SLC39A10: variants seen among roughly 807,000 people sequenced by gnomAD.
SLC39A10 encodes solute carrier family 39 member 10, also known as zinc transporter ZIP10.
Under a neutral mutation model 65.1 loss-of-function variants are expected in SLC39A10, and 13 were observed. The ratio of observed to expected loss-of-function variants is 0.20; its 90% confidence interval spans 0.13 to 0.32. The LOEUF is 0.32. Ranked by LOEUF, SLC39A10 falls within the 10% of genes least tolerant of loss-of-function variation. The pLI, the probability that SLC39A10 is intolerant of heterozygous loss-of-function variation, is 1.00. For missense variants in SLC39A10, 831 were observed against 1,018.4 expected, an observed-to-expected ratio of 0.82 and a Z score of 2.50; for synonymous variants, 321 against 342.2, an observed-to-expected ratio of 0.94 and a Z score of 0.68.
intron 3 of SLC39A10, among the ~76,000 whole-genome samples, chr2:195,703,092 C>G (rs1691254292): frequency 6.6e-6 from 1 of 152,076 alleles, no homozygotes; most frequent in African/African-American, 2.4e-5. Flanking sequence ...TCAGCATTAC[C>G]AAAACTTACT....
At chr2:195,726,761 C>T (rs1692254294) in intron 8 of SLC39A10, among the ~76,000 whole-genome samples, 2 of 152,162 alleles carry the variant, frequency 1.3e-5, no homozygotes, top group South Asian at 4.1e-4. Flanking sequence ...GACTATGAAC[C>T]TTGTAACCAT....
intron 1 of SLC39A10, 79 bp downstream of exon 1, chr2:195,657,360 G>A: frequency 1.0e-6 from 1 of 983,684 alleles, no homozygotes; most frequent in Non-Finnish European, 1.2e-6. Context: ...CGAGTCCCGG[G>A]ACGGCGTGGG....
rs749342680 is a variant in SLC39A10 at position 195,713,453 on chromosome 2, G to C, written c.1596G>C (p.Met532Ile). 1.1e-5 allele frequency: 17 copies of C among 1,559,964 alleles called. 1 individual carries two copies. In the South Asian group the frequency reaches 2.1e-4, roughly 19 times the overall value. ...KQQRGKQKWF[M>I]KQNTEESTIG... ...TTTAGGGAAAACAGAAATGGTTTAT[G>C]AAACAGAACACAGAAGAATCAACTA... Residue 532 changes from methionine (M) to isoleucine (I), a missense_variant, in exon 6 of 10, where the codon ATG becomes ATC. Met to Ile is a conservative substitution (Grantham distance 10). Transcript: ENST00000359634.
At chr2:195,717,594 T>A (rs2105828326) in intron 7 of SLC39A10, among the ~76,000 whole-genome samples, 1 of 152,258 alleles carries the variant, frequency 6.6e-6, no homozygotes, top group Non-Finnish European at 1.5e-5. Context: ...TTTTTGTTTT[T>A]TTTTTTAAAT....
intron 3 of SLC39A10, among the ~76,000 whole-genome samples, chr2:195,684,736 T>A (rs13422675): frequency 6.6e-6 from 1 of 152,252 alleles, no homozygotes; most frequent in Non-Finnish European, 1.5e-5. Flanking sequence ...TTTTCTTGGT[T>A]ATTGGATTGT....
chr2:195,620,506 G>A (rs1480818396), intron 2 of SLC39A10, among the ~76,000 whole-genome samples: 2 of 151,900 alleles, frequency 1.3e-5, no homozygotes, highest in Non-Finnish European at 2.9e-5. Context: ...GTTACATTGG[G>A]TAGTTCATGT....
At chr2:195,708,394 G>A (rs1352207574) in intron 4 of SLC39A10, among the ~76,000 whole-genome samples, 1 of 152,138 alleles carries the variant, frequency 6.6e-6, no homozygotes, top group Non-Finnish European at 1.5e-5. Flanking sequence ...CTTCTGGCTT[G>A]ATTCTCTCAC....
chr2:195,646,740 C>A (rs930978809), intron 2 of SLC39A10, among the ~76,000 whole-genome samples: 61 of 152,178 alleles, frequency 4.0e-4, no homozygotes, highest in African/African-American at 1.4e-3. Flanking sequence ...TGAGCTTTGC[C>A]TCCTATCAGA....
intron 9 of SLC39A10, among the ~76,000 whole-genome samples, chr2:195,733,651 C>T (rs1692495364): frequency 6.6e-6 from 1 of 152,106 alleles, no homozygotes; most frequent in Non-Finnish European, 1.5e-5. Context: ...CTGCCTCAGC[C>T]TCCTGAGTAG....
Position 195,680,848 on chromosome 2 carries a change from C to T in SLC39A10, c.806C>T (p.Pro269Leu), listed in dbSNP as rs765173645. Residue 269 changes from proline (P) to leucine (L), a missense_variant, in exon 2 of 10, where the codon CCT (proline) becomes CTT (leucine). This residue lies in a region of SLC39A10 where 446 missense variants were observed against 499.2 expected (regional missense o/e 0.89). Coordinates refer to ENST00000359634, the MANE Select transcript of SLC39A10 (RefSeq NM_020342.3). ...EQYEHNRVHK[P>L]DRVHNPGHSH... ...TATGAGCATAATCGGGTCCACAAAC[C>T]TGATCGTGTACATAACCCAGGTCAT... The T allele has an allele frequency of 3.8e-5, 62 of 1,613,972 alleles. No individual in the cohort carries two copies. Among genetic ancestry groups the T allele is most frequent in the Admixed American group, 6.7e-5 (4 of 60,000 alleles).
chr2:195,675,806 A>G (rs13013448), intron 1 of SLC39A10, among the ~76,000 whole-genome samples: 3,166 of 152,222 alleles, frequency 0.021, 53 homozygotes, highest in Middle Eastern at 0.034. Flanking sequence ...GGGGCTGTAG[A>G]GTGTGTTCAT....
At position 195,735,684 on chromosome 2, in the gene SLC39A10, G is replaced by C. The variant is rs1692570687; in HGVS notation, c.*643G>C. On this transcript the variant is annotated 3_prime_UTR_variant, in exon 10 of 10. Coordinates refer to ENST00000359634, the MANE Select transcript of SLC39A10 (RefSeq NM_020342.3). ...CCTGCAGCCTAAACTACTGAAATTT[G>C]TGATTGTATGTTTGTGTGAGCTTCA... 6.6e-6 allele frequency: 1 copy of C among 152,452 alleles called. No homozygotes were observed. The highest frequency in any genetic ancestry group is 6.5e-5 in the Admixed American group (1 of 15,272). 9.4% of individuals were successfully genotyped at this position (152,452 alleles called of 1,614,324 possible). A position where few individuals can be genotyped will look rare whatever the true frequency, so the allele number is the denominator to read the frequency against.
At chr2:195,660,272 A>T (rs1689335919) in intron 1 of SLC39A10, among the ~76,000 whole-genome samples, 1 of 152,240 alleles carries the variant, frequency 6.6e-6, no homozygotes, top group South Asian at 2.1e-4. Context: ...TTACTAGTGC[A>T]TTTTAAAGTG....
intron 2 of SLC39A10, among the ~76,000 whole-genome samples, chr2:195,631,443 G>A (rs978873911): frequency 6.6e-6 from 1 of 151,768 alleles, no homozygotes; most frequent in Admixed American, 6.6e-5. Flanking sequence ...TTTTCTGTTA[G>A]TGCTTAAAAA....
intron 2 of SLC39A10, among the ~76,000 whole-genome samples, chr2:195,681,748 T>C (rs1285704562): frequency 6.6e-6 from 1 of 152,206 alleles, no homozygotes; most frequent in Non-Finnish European, 1.5e-5. Context: ...TTGTTAGCCA[T>C]GTTCTAGGTA....
chr2:195,614,386 T>C (rs1425422601), intron 2 of SLC39A10, among the ~76,000 whole-genome samples: 1 of 152,214 alleles, frequency 6.6e-6, no homozygotes, highest in East Asian at 1.9e-4. Flanking sequence ...ATTAAGCATG[T>C]AAGCTCTACT....
chr2:195,674,676 G>A (rs1371743148), intron 1 of SLC39A10: 1 of 979,524 alleles, frequency 1.0e-6, no homozygotes, highest in African/African-American at 1.8e-5. Context: ...ATTGCTTAAT[G>A]CTGAGTATGT....
intron 2 of SLC39A10, among the ~76,000 whole-genome samples, chr2:195,639,325 T>TG (rs1688756524): frequency 6.6e-6 from 1 of 152,206 alleles, no homozygotes; most frequent in Non-Finnish European, 1.5e-5. Flanking sequence ...ATGATCAGAC[T>TG]GGGGTTAAGA....
At chr2:195,732,792 G>A (rs1266325239) in intron 9 of SLC39A10, among the ~76,000 whole-genome samples, 3 of 152,158 alleles carry the variant, frequency 2.0e-5, no homozygotes, top group African/African-American at 7.2e-5. Flanking sequence ...TTTCAACTCT[G>A]CTGTGGTAGT....
Sources: allele counts gnomAD v4.1 joint callset (sites outside exome capture counted in the v4.1 genomes callset), GRCh38; gene constraint gnomAD v4.1.1; regional missense constraint gnomAD v4.1.1; transcripts MANE v1.5; gene names NCBI Gene and HGNC (gene_info 2026-07-23, HGNC 2026-07-21).